The following EPHA6 variants were observed in gnomAD, a reference collection of about 807,000 sequenced individuals.
EPHA6 encodes EPH receptor A6.
EPHA6 carries 50 observed loss-of-function variants against 112.0 expected under a neutral mutation model. That is an observed-to-expected ratio of 0.45 (90% confidence interval 0.36 to 0.56). The LOEUF is 0.56. Among genes scored for constraint, EPHA6 ranks in the 20% least tolerant of loss-of-function variants. The pLI is 0.00. For missense variants in EPHA6, 1,280 were observed against 1,417.4 expected (o/e 0.90, Z 1.56); for synonymous variants, 529 against 490.7 (o/e 1.08, Z -1.03).
intron 3 of EPHA6, among the ~76,000 whole-genome samples, chr3:97,179,687 T>G (rs1322797932): frequency 6.6e-6 from 1 of 151,180 alleles, no homozygotes; most frequent in Admixed American, 6.6e-5. Context: ...GAGACTCTTA[T>G]TCTTTTTTAC....
intron 2 of EPHA6, among the ~76,000 whole-genome samples, chr3:96,877,199 A>G (rs879532550): frequency 3.3e-5 from 5 of 152,134 alleles, no homozygotes; most frequent in African/African-American, 4.8e-5. Context: ...AAAAAAGACT[A>G]AATGGTTGTG....
chr3:96,966,749 T>C (rs1386700482), intron 2 of EPHA6, among the ~76,000 whole-genome samples: 2 of 152,096 alleles, frequency 1.3e-5, no homozygotes, highest in Non-Finnish European at 2.9e-5. Flanking sequence ...ATTTTTATGC[T>C]CACACAAGGA....
intron 12 of EPHA6, among the ~76,000 whole-genome samples, chr3:97,605,598 T>C (rs920550767): frequency 6.6e-6 from 1 of 151,706 alleles, no homozygotes; most frequent in South Asian, 2.1e-4. Context: ...TTCTTTTCCA[T>C]TGGTCTATGT....
chr3:97,740,764 C>A (rs150144321), intron 16 of EPHA6, among the ~76,000 whole-genome samples: 27 of 152,262 alleles, frequency 1.8e-4, no homozygotes, highest in Admixed American at 5.9e-4. Context: ...ACAATAACTT[C>A]CAACATTTTG....
rs142278121 is a variant in EPHA6 at position 97,094,940 on chromosome 3, T to G, written c.1114+106947T>G. On this transcript the variant is annotated intron_variant, in intron 3 of 17. Coordinates refer to ENST00000389672, the MANE Select transcript of EPHA6 (RefSeq NM_001080448.3). The stretch of plus-strand genomic sequence containing the variant: ...TTCAGGGTCTGACTTGCCTACTGGG[T>G]GTATGATATCTTGAGTAAGGTAACC... Among the ~76,000 whole-genome samples, 4 of 152,132 alleles carry G rather than the reference T, an allele frequency of 2.6e-5. No homozygotes were observed. The East Asian group carries it at 7.7e-4, about 29-fold the overall frequency.
intron 5 of EPHA6, among the ~76,000 whole-genome samples, chr3:97,279,025 G>C (rs2080196629): frequency 6.6e-6 from 1 of 152,184 alleles, no homozygotes; most frequent in African/African-American, 2.4e-5. Flanking sequence ...CTGTGAACGT[G>C]AGACAGCTTT....
intron 17 of EPHA6, 47 bp downstream of exon 17, chr3:97,747,619 A>T: frequency 6.7e-7 from 1 of 1,501,630 alleles, no homozygotes; most frequent in Non-Finnish European, 8.9e-7. Context: ...CCTGCTGGGG[A>T]TTATAAGTTC....
chr3:97,415,058 T>A (rs2088019660), intron 6 of EPHA6, among the ~76,000 whole-genome samples: 1 of 151,998 alleles, frequency 6.6e-6, no homozygotes, highest in Admixed American at 6.6e-5. Context: ...TCGAAAAAGG[T>A]AACTCAGAGT....
intron 3 of EPHA6, among the ~76,000 whole-genome samples, chr3:97,002,479 GAT>G (rs72203195): frequency 0.018 from 2,651 of 150,406 alleles, 65 homozygotes; most frequent in African/African-American, 0.05. Context: ...TCTATCATGA[GAT>G]ATGTTATAAT....
chr3:97,154,577 T>C (rs1000079533), intron 3 of EPHA6, among the ~76,000 whole-genome samples: 6 of 152,200 alleles, frequency 3.9e-5, no homozygotes, highest in Non-Finnish European at 7.3e-5. Context: ...ATCTCAAAAA[T>C]GTATTCCCTG....
chr3:97,302,465 T>G (rs1380476942), intron 5 of EPHA6, among the ~76,000 whole-genome samples: 4 of 151,340 alleles, frequency 2.6e-5, no homozygotes, highest in African/African-American at 9.7e-5. Flanking sequence ...AATGATACTT[T>G]TAACCTCAGG....
chr3:97,741,342 G>C (rs993083262), intron 16 of EPHA6, among the ~76,000 whole-genome samples: 19 of 151,936 alleles, frequency 1.3e-4, no homozygotes, highest in Non-Finnish European at 2.2e-4. Flanking sequence ...AACAGAGTGA[G>C]ACTCCGTATC....
chr3:97,144,614 G>A (rs2075994457), intron 3 of EPHA6, among the ~76,000 whole-genome samples: 2 of 150,704 alleles, frequency 1.3e-5, no homozygotes, highest in African/African-American at 2.4e-5. Context: ...GTTCACTGCT[G>A]GGAAATAAAA....
At chr3:96,873,472 A>G (rs1274371702) in intron 2 of EPHA6, among the ~76,000 whole-genome samples, 2 of 152,122 alleles carry the variant, frequency 1.3e-5, no homozygotes, top group Non-Finnish European at 2.9e-5. Flanking sequence ...ACATTATGTA[A>G]TGGGTTGCAA....
At chr3:97,610,698 C>A in intron 12 of EPHA6, 95 bp from the exon 13 acceptor site, 3 of 939,962 alleles carry the variant, frequency 3.2e-6, no homozygotes, top group Non-Finnish European at 5.0e-6. Flanking sequence ...TAATAAAATA[C>A]AAATAATTTA....
chr3:97,737,625 A>G (rs766384199), intron 16 of EPHA6, among the ~76,000 whole-genome samples: 1 of 152,100 alleles, frequency 6.6e-6, no homozygotes, highest in Non-Finnish European at 1.5e-5. Flanking sequence ...TTTTTGGAAT[A>G]GAAATGAGAC....
intron 2 of EPHA6, among the ~76,000 whole-genome samples, chr3:96,950,597 A>G (rs892440090): frequency 1.2e-4 from 19 of 152,192 alleles, no homozygotes; most frequent in African/African-American, 4.6e-4. Flanking sequence ...GAAATAAATC[A>G]TCATTATTCA....
At chr3:97,029,216 T>A (rs945411397) in intron 3 of EPHA6, among the ~76,000 whole-genome samples, 12 of 151,738 alleles carry the variant, frequency 7.9e-5, no homozygotes, top group Non-Finnish European at 1.5e-4. Context: ...ACAGAGTAAT[T>A]TGGTAAAAAT....
chr3:97,109,968 T>C (rs986298771), intron 3 of EPHA6, among the ~76,000 whole-genome samples: 1 of 152,114 alleles, frequency 6.6e-6, no homozygotes, highest in African/African-American at 2.4e-5. Context: ...AAGCATTTCA[T>C]TTTCTATTGA....
Sources: allele counts gnomAD v4.1 joint callset (sites outside exome capture counted in the v4.1 genomes callset), GRCh38; gene constraint gnomAD v4.1.1; transcripts MANE v1.5; gene names NCBI Gene and HGNC (gene_info 2026-07-23, HGNC 2026-07-21).